Variants in FAM13A observed in about 807,000 individuals in gnomAD.
The protein encoded by FAM13A is family with sequence similarity 13 member A.
A neutral mutation model predicts 129.6 loss-of-function variants in FAM13A; 76 were observed. The observed-to-expected ratio is 0.59, with a 90% confidence interval of 0.49 to 0.71. The LOEUF is 0.71. Ranked by LOEUF, FAM13A falls within the 30% of genes least tolerant of loss-of-function variation. The probability of loss-of-function intolerance (pLI) is 0.00; values close to 1 mark genes in which losing one functional copy is unlikely to be tolerated. For missense variants in FAM13A, 1,108 were observed against 1,249.3 expected, an observed-to-expected ratio of 0.89 and a Z score of 1.70; for synonymous variants, 443 against 449.9, an observed-to-expected ratio of 0.98 and a Z score of 0.20.
chr4:88,795,551 T>C (rs1205212333), intron 8 of FAM13A, among the ~76,000 whole-genome samples: 3 of 151,844 alleles, frequency 2.0e-5, no homozygotes, highest in South Asian at 2.1e-4. Flanking sequence ...AATTCACTTA[T>C]ATACTGTATC....
At chr4:89,056,594 G>A (rs1029722934) in intron 1 of FAM13A, among the ~76,000 whole-genome samples, 1 of 152,128 alleles carries the variant, frequency 6.6e-6, no homozygotes, top group Non-Finnish European at 1.5e-5. Context: ...CTAGCCACAA[G>A]ATTTCTCTAA....
At chr4:88,731,888 C>A in intron 22 of FAM13A, 114 bp downstream of exon 22, 1 of 831,704 alleles carries the variant, frequency 1.2e-6, no homozygotes, top group Non-Finnish European at 1.8e-6. Flanking sequence ...CAGATACACC[C>A]CAGGTAGTCA....
intron 8 of FAM13A, among the ~76,000 whole-genome samples, chr4:88,802,861 C>T (rs1407932147): frequency 6.6e-6 from 1 of 152,148 alleles, no homozygotes; most frequent in Non-Finnish European, 1.5e-5. Context: ...ATCTCCTATA[C>T]CCGAGGGCCG....
At chr4:88,988,019 C>T (rs1762481839) in intron 4 of FAM13A, among the ~76,000 whole-genome samples, 1 of 152,000 alleles carries the variant, frequency 6.6e-6, no homozygotes, top group Non-Finnish European at 1.5e-5. Flanking sequence ...GTGGATGCAT[C>T]AGGAAAAACA....
chr4:89,034,937 T>C (rs922326156), intron 1 of FAM13A, among the ~76,000 whole-genome samples: 4 of 152,300 alleles, frequency 2.6e-5, no homozygotes, highest in South Asian at 2.1e-4. Flanking sequence ...CATATGTTTA[T>C]TGCAACACTG....
At chr4:88,929,203 T>C (rs1752679936) in intron 5 of FAM13A, among the ~76,000 whole-genome samples, 1 of 152,112 alleles carries the variant, frequency 6.6e-6, no homozygotes. Context: ...TTCAGCACTT[T>C]GAAAGTGCCA....
At chr4:88,904,654 T>G (rs1747846688) in intron 6 of FAM13A, among the ~76,000 whole-genome samples, 1 of 152,106 alleles carries the variant, frequency 6.6e-6, no homozygotes, top group African/African-American at 2.4e-5. Context: ...CAAGGATACC[T>G]AATGGATGCT....
intron 6 of FAM13A, among the ~76,000 whole-genome samples, chr4:88,877,844 T>C (rs1742825534): frequency 6.6e-6 from 1 of 152,208 alleles, no homozygotes; most frequent in Non-Finnish European, 1.5e-5. Context: ...ACCTCTTATA[T>C]TGTACATAGC....
chr4:88,853,383 C>T (rs1737947375), intron 6 of FAM13A, among the ~76,000 whole-genome samples: 3 of 151,766 alleles, frequency 2.0e-5, no homozygotes, highest in African/African-American at 4.8e-5. Context: ...TTCAAGAATA[C>T]CAAGAATACT....
intron 10 of FAM13A, among the ~76,000 whole-genome samples, chr4:88,787,104 A>G (rs527516547): frequency 1.3e-5 from 2 of 152,264 alleles, no homozygotes; most frequent in East Asian, 3.9e-4. Context: ...TGATTATTAA[A>G]TAATATAAAT....
At chr4:88,866,599 C>T (rs867085226) in intron 6 of FAM13A, among the ~76,000 whole-genome samples, 1 of 152,100 alleles carries the variant, frequency 6.6e-6, no homozygotes, top group East Asian at 1.9e-4. Context: ...CAAATATGCA[C>T]AGTCCAGAAT....
chr4:88,756,873 A>T (rs1014713084), intron 14 of FAM13A, among the ~76,000 whole-genome samples: 5 of 152,190 alleles, frequency 3.3e-5, no homozygotes, highest in Non-Finnish European at 5.9e-5. Context: ...TAATCAAATG[A>T]TCAGAATGGC....
intron 7 of FAM13A, among the ~76,000 whole-genome samples, chr4:88,820,318 A>C (rs1731651331): frequency 6.6e-6 from 1 of 152,194 alleles, no homozygotes; most frequent in African/African-American, 2.4e-5. Flanking sequence ...TGTATTACTG[A>C]ATTCACCACA....
chr4:89,029,464 C>T lies in FAM13A; in HGVS notation c.213G>A (p.Gln71=), dbSNP rs115145213. Residue 71 remains glutamine, a synonymous_variant, in exon 2 of 24, where the codon CAG becomes CAA. Coordinates refer to ENST00000264344, the MANE Select transcript of FAM13A (RefSeq NM_014883.4). Reference sequence around the variant, plus strand: ...CTAAAGCATGACTTAACTCACCATGCTGCGTCAAATATTCCACTATATTCC... The same window carrying T: ...CTAAAGCATGACTTAACTCACCATGTTGCGTCAAATATTCCACTATATTCC... ...VVWNIVEYLT[Q]HGLTQEGLFR... The T allele has an allele frequency of 8.1e-6, 13 of 1,596,006 alleles. No homozygotes were observed. The highest frequency in any genetic ancestry group is 1.7e-4 in the Middle Eastern group (1 of 6,024).
At chr4:88,758,696 G>A (rs1744197690) in intron 14 of FAM13A, 58 bp downstream of exon 14, 3 of 1,525,758 alleles carry the variant, frequency 2.0e-6, no homozygotes, top group Non-Finnish European at 2.7e-6. Flanking sequence ...CCTCTCATTT[G>A]TGCTTATTTA....
chr4:88,737,863 A>G (rs1007247277), intron 20 of FAM13A, among the ~76,000 whole-genome samples: 1 of 152,182 alleles, frequency 6.6e-6, no homozygotes, highest in African/African-American at 2.4e-5. Flanking sequence ...GCCCCTGCCA[A>G]TCACAGTTAA....
intron 6 of FAM13A, among the ~76,000 whole-genome samples, chr4:88,881,403 A>G (rs974865991): frequency 3.9e-5 from 6 of 152,350 alleles, no homozygotes; most frequent in African/African-American, 9.6e-5. Flanking sequence ...AGCTCTCAGA[A>G]AGCCACATCC....
At chr4:89,015,069 C>T (rs60213126) in intron 3 of FAM13A, among the ~76,000 whole-genome samples, 21,060 of 152,054 alleles carry the variant, frequency 0.14, 1,701 homozygotes, top group Non-Finnish European at 0.18. Flanking sequence ...CTGTCTTTTA[C>T]GGTTGAAGAT....
chr4:88,787,213 T>C (rs761966024), intron 10 of FAM13A, among the ~76,000 whole-genome samples: 6 of 152,164 alleles, frequency 3.9e-5, no homozygotes, highest in Non-Finnish European at 5.9e-5. Flanking sequence ...GCCTTAAAAT[T>C]AGTGATTATT....
Sources: allele counts gnomAD v4.1 joint callset (sites outside exome capture counted in the v4.1 genomes callset), GRCh38; gene constraint gnomAD v4.1.1; transcripts MANE v1.5; gene names NCBI Gene and HGNC (gene_info 2026-07-23, HGNC 2026-07-21).